Variants in CNTNAP4 observed in about 807,000 individuals in gnomAD.
CNTNAP4 encodes the protein contactin associated protein family member 4.
A neutral mutation model predicts 148.4 loss-of-function variants in CNTNAP4; 98 were observed. The ratio of observed to expected loss-of-function variants is 0.66; its 90% CI spans 0.56 to 0.78. CNTNAP4 has a LOEUF of 0.78. Among genes scored for constraint, CNTNAP4 ranks in the 30% least tolerant of loss-of-function variants. The probability of loss-of-function intolerance (pLI) is 0.00; values close to 1 mark genes in which losing one functional copy is unlikely to be tolerated. For synonymous variants in CNTNAP4, 730 were observed against 565.1 expected (o/e 1.29, Z -4.14); for missense variants, 1,935 against 1,565.6 (o/e 1.24, Z -3.98).
At chr16:76,475,447 C>T (rs552191389) in intron 10 of CNTNAP4, among the ~76,000 whole-genome samples, 7 of 152,270 alleles carry the variant, frequency 4.6e-5, no homozygotes, top group African/African-American at 1.7e-4. Flanking sequence ...CACCTTAGAG[C>T]ACCCCAACAC....
intron 3 of CNTNAP4, among the ~76,000 whole-genome samples, chr16:76,410,940 C>G (rs933857301): frequency 6.6e-6 from 1 of 151,438 alleles, no homozygotes; most frequent in South Asian, 2.1e-4. Flanking sequence ...AGGTTAAGAT[C>G]TACATAAAGA....
rs114102180 is a variant in CNTNAP4 at position 76,514,696 on chromosome 16, A to G, written c.2366-6444A>G. ...GCCAGATTTTATTTTCTTCATTTTTATTTTGCTTATATTGATTCCTATTGA... is the reference window on the plus strand; with the variant it reads ...GCCAGATTTTATTTTCTTCATTTTTGTTTTGCTTATATTGATTCCTATTGA... On this transcript the variant is annotated intron_variant, in intron 15 of 23. Transcript: ENST00000611870. Among the ~76,000 whole-genome samples the G allele has an allele frequency of 2.5e-3, 273 of 109,830 alleles. 2 individuals are homozygous for G. The highest frequency in any genetic ancestry group is 6.7e-3 in the African/African-American group (261 of 38,686). The allele number at this position is 109,830 out of a possible 152,430, so 72.1% of individuals were successfully genotyped here. A position where few individuals can be genotyped will look rare whatever the true frequency, so the allele number is the denominator to read the frequency against.
intron 3 of CNTNAP4, among the ~76,000 whole-genome samples, chr16:76,412,954 G>A (rs4445927): frequency 0.35 from 52,334 of 150,950 alleles, 10,810 homozygotes; most frequent in Non-Finnish European, 0.44. Context: ...TTCTGCATAC[G>A]GTTTGAGGTA....
At chr16:76,453,520 A>G (rs1358302456) in intron 8 of CNTNAP4, among the ~76,000 whole-genome samples, 1 of 152,188 alleles carries the variant, frequency 6.6e-6, no homozygotes, top group African/African-American at 2.4e-5. Flanking sequence ...ACGTATGTAC[A>G]ATGGCATCCA....
intron 3 of CNTNAP4, among the ~76,000 whole-genome samples, chr16:76,380,453 C>A (rs1311959600): frequency 3.3e-5 from 5 of 152,232 alleles, no homozygotes; most frequent in South Asian, 2.1e-4. Context: ...ACTTTGAAAT[C>A]AGTATTGCTA....
chr16:76,397,846 A>T (rs1280330308), intron 3 of CNTNAP4, among the ~76,000 whole-genome samples: 1 of 145,724 alleles, frequency 6.9e-6, no homozygotes, highest in Non-Finnish European at 1.5e-5. Flanking sequence ...TTTCATGCTA[A>T]AGGAAACCTT....
At chr16:76,512,076 C>T (rs1050158251) in intron 15 of CNTNAP4, among the ~76,000 whole-genome samples, 2 of 151,996 alleles carry the variant, frequency 1.3e-5, no homozygotes, top group African/African-American at 4.8e-5. Context: ...CCAGATAAAC[C>T]ACACAGAAAT....
chr16:76,370,556 C>T lies in CNTNAP4; in HGVS notation c.390+15045C>T, dbSNP rs574397942. On this transcript the variant is annotated intron_variant, in intron 3 of 23. Transcript: ENST00000611870. ...TCTTTTTCAAGTTCCCAGCTGGAAG[C>T]TCCTTAATACAGGAGCCTGGGACAC... Among the ~76,000 whole-genome samples the T allele has an allele frequency of 4.2e-4, 64 of 152,290 alleles. 1 individual carries two copies. The South Asian group carries it at 0.011, about 27-fold the overall frequency.
chr16:76,316,378 A>G (rs770980877), intron 1 of CNTNAP4, 35 bp from the exon 2 acceptor site: 1 of 1,427,604 alleles, frequency 7.0e-7, no homozygotes, highest in Non-Finnish European at 9.9e-7. Flanking sequence ...CCTCAGCACT[A>G]ACTAACCCTA....
At chr16:76,477,840 A>G (rs2081648090) in intron 11 of CNTNAP4, among the ~76,000 whole-genome samples, 1 of 152,162 alleles carries the variant, frequency 6.6e-6, no homozygotes, top group Admixed American at 6.5e-5. Context: ...AATTGTTATC[A>G]GTGACTGAAT....
intron 1 of CNTNAP4, among the ~76,000 whole-genome samples, chr16:76,291,976 G>A (rs933661641): frequency 6.6e-6 from 1 of 152,074 alleles, no homozygotes; most frequent in Non-Finnish European, 1.5e-5. Context: ...CTTTTCAAAG[G>A]TTTCACAGTA....
intron 15 of CNTNAP4, among the ~76,000 whole-genome samples, chr16:76,503,288 A>G (rs534430689): frequency 1.3e-5 from 2 of 152,290 alleles, no homozygotes; most frequent in African/African-American, 4.8e-5. Context: ...GAGGAATTCA[A>G]GGCATTTATT....
intron 3 of CNTNAP4, among the ~76,000 whole-genome samples, chr16:76,372,895 C>T (rs1442434613): frequency 6.6e-6 from 1 of 152,108 alleles, no homozygotes; most frequent in East Asian, 1.9e-4. Flanking sequence ...TTTCTTAAGG[C>T]TATGAATTCC....
chr16:76,515,211 G>A (rs944850091), intron 15 of CNTNAP4, among the ~76,000 whole-genome samples: 10 of 152,142 alleles, frequency 6.6e-5, no homozygotes, highest in Non-Finnish European at 7.4e-5. Context: ...CTAGTATATA[G>A]AATATATGAA....
intron 3 of CNTNAP4, among the ~76,000 whole-genome samples, chr16:76,409,409 A>G (rs1480803028): frequency 6.6e-6 from 1 of 151,986 alleles, no homozygotes; most frequent in Admixed American, 6.6e-5. Context: ...GCATACAAAT[A>G]TCTATAAAAG....
intron 12 of CNTNAP4, among the ~76,000 whole-genome samples, chr16:76,481,063 A>G (rs1191483154): frequency 6.6e-6 from 1 of 152,230 alleles, no homozygotes; most frequent in Admixed American, 6.5e-5. Flanking sequence ...CAATAAAAAC[A>G]AAATAGAGAA....
intron 12 of CNTNAP4, among the ~76,000 whole-genome samples, chr16:76,489,152 A>G (rs1361442744): frequency 6.6e-6 from 1 of 152,200 alleles, no homozygotes; most frequent in Non-Finnish European, 1.5e-5. Flanking sequence ...TGCTGATACC[A>G]TGAATAGTTG....
intron 9 of CNTNAP4, among the ~76,000 whole-genome samples, chr16:76,465,619 G>A (rs943026400): frequency 6.6e-6 from 1 of 152,142 alleles, no homozygotes; most frequent in African/African-American, 2.4e-5. Context: ...AAATATTATT[G>A]AACTATTATC....
intron 3 of CNTNAP4, among the ~76,000 whole-genome samples, chr16:76,425,597 T>A (rs2079360868): frequency 6.6e-6 from 1 of 151,860 alleles, no homozygotes; most frequent in Non-Finnish European, 1.5e-5. Flanking sequence ...ATGGGGAGTG[T>A]CAGGTACACA....
Sources: gnomAD v4.1 joint callset for allele counts (sites outside exome capture counted in the v4.1 genomes callset) on GRCh38, gnomAD v4.1.1 for gene constraint, MANE v1.5 for transcripts, NCBI Gene and HGNC (gene_info 2026-07-23, HGNC 2026-07-21) for gene names.